Variants in MZT2B observed in about 807,000 individuals in gnomAD.
MZT2B encodes mitotic spindle organizing protein 2B.
In MZT2B, 11 loss-of-function variants were observed where a neutral mutation model predicts 12.1. The ratio of observed to expected loss-of-function variants is 0.91; its 90% CI spans 0.57 to 1.50. The LOEUF (loss-of-function observed/expected upper bound fraction) is 1.50, where lower values mean the gene tolerates loss of function less well. MZT2B is among the 40% of genes most tolerant of loss of function. MZT2B has a pLI of 0.00. For missense variants in MZT2B, 209 were observed against 227.7 expected, an observed-to-expected ratio of 0.92 and a Z score of 0.53; for synonymous variants, 85 against 109.5, an observed-to-expected ratio of 0.78 and a Z score of 1.40.
intron 2 of MZT2B, among the ~76,000 whole-genome samples, chr2:130,186,499 T>C (rs1690070580): frequency 6.6e-6 from 1 of 152,234 alleles, no homozygotes; most frequent in South Asian, 2.1e-4. Flanking sequence ...AGAGCATGCA[T>C]GTAAGATGAC....
chr2:130,182,954 G>A, intron 2 of MZT2B, 179 bp downstream of exon 2: 2 of 822,294 alleles, frequency 2.4e-6, no homozygotes, highest in Admixed American at 2.9e-5. Flanking sequence ...GCCTTAGGAG[G>A]CACGTCCAGG....
chr2:130,194,134 G>C, downstream of MZT2B: 1 of 1,614,108 alleles, frequency 6.2e-7, no homozygotes, highest in Non-Finnish European at 8.5e-7. Flanking sequence ...CCGTGATGGA[G>C]GACACGATCT....
At chr2:130,190,867 T>C (rs547934935), downstream of MZT2B, 11 of 928,418 alleles carry the variant, frequency 1.2e-5, no homozygotes, top group Non-Finnish European at 1.6e-5. Flanking sequence ...TGAACCTGAT[T>C]TGGGTTCTGA....
chr2:130,183,164 A>G (rs1201819316), intron 2 of MZT2B: 1 of 349,338 alleles, frequency 2.9e-6, no homozygotes, highest in East Asian at 6.6e-5. Flanking sequence ...TGAGTTTTAG[A>G]CCACTCTGGG....
the MZT2B span, among the ~76,000 whole-genome samples, chr2:130,203,963 G>T: frequency 1.5e-5 from 2 of 131,828 alleles, no homozygotes; most frequent in South Asian, 5.0e-4. Context: ...CAGCACCTGA[G>T]CCCAGGTGGT....
At chr2:130,200,689 G>T in the MZT2B span, among the ~76,000 whole-genome samples, 3,988 of 152,194 alleles carry the variant, frequency 0.026, 50 homozygotes, top group African/African-American at 0.083. Context: ...CCCCTGTCCC[G>T]GGAAGAGCAG....
At chr2:130,195,428 C>A (rs1191055478), downstream of MZT2B, among the ~76,000 whole-genome samples, 7 of 152,224 alleles carry the variant, frequency 4.6e-5, no homozygotes, top group South Asian at 2.1e-4. Context: ...GACTCTACGA[C>A]GTTAAACTCA....
At chr2:130,202,848 C>G in the MZT2B span, among the ~76,000 whole-genome samples, 1 of 152,108 alleles carries the variant, frequency 6.6e-6, no homozygotes, top group Non-Finnish European at 1.5e-5. Flanking sequence ...TCGTCCTTCT[C>G]TCTACACCAT....
At chr2:130,191,795 T>C (rs1690264254), downstream of MZT2B, 3 of 1,587,090 alleles carry the variant, frequency 1.9e-6, no homozygotes, top group East Asian at 2.2e-5. Flanking sequence ...GCAGCCATCC[T>C]AGGGGTGGCA....
chr2:130,187,649 GC>G (rs1034648716), intron 2 of MZT2B, among the ~76,000 whole-genome samples: 12 of 152,166 alleles, frequency 7.9e-5, no homozygotes, highest in African/African-American at 2.9e-4. Context: ...TGACTCAGTA[GC>G]CCCTCCCGAG....
At chr2:130,201,547 C>T in the MZT2B span, among the ~76,000 whole-genome samples, 1 of 152,098 alleles carries the variant, frequency 6.6e-6, no homozygotes, top group Non-Finnish European at 1.5e-5. Context: ...TCCCCAACTA[C>T]AGTCACATTG....
chr2:130,191,980 A>G (rs1052422), downstream of MZT2B: 580,593 of 1,511,576 alleles, frequency 0.38, 124,249 homozygotes, highest in Admixed American at 0.45. Context: ...ACAAAGGCCC[A>G]CTTGGCATAC....
At chr2:130,200,680 C>T in the MZT2B span, among the ~76,000 whole-genome samples, 2 of 152,118 alleles carry the variant, frequency 1.3e-5, no homozygotes. Context: ...GAAGGCACAC[C>T]CCTGTCCCGG....
chr2:130,203,208 G>T, the MZT2B span, among the ~76,000 whole-genome samples: 1 of 152,150 alleles, frequency 6.6e-6, no homozygotes, highest in African/African-American at 2.4e-5. Context: ...AAATGGGGCA[G>T]ATTTTAAAAC....
Position 130,182,842 on chromosome 2 carries a change from G to A in MZT2B, c.319+67G>A, listed in dbSNP as rs1416528643. ...GGCGGGCGGGGAGGGGGCAGGCGCG[G>A]CACAGCGGCGGCGTGGCCCTGAGTG... On this transcript the variant is annotated intron_variant, in intron 2 of 2. Transcript: ENST00000281871. The A allele has an allele frequency of 2.0e-5, 29 of 1,426,346 alleles. No individual in the cohort carries two copies. In the South Asian group the frequency reaches 3.6e-4, roughly 18 times the overall value. The allele number at this position is 1,426,346 out of a possible 1,614,324, so 88.4% of individuals were successfully genotyped here.
chr2:130,191,777 AC>A (rs377704562), downstream of MZT2B: 275 of 1,571,798 alleles, frequency 1.7e-4, 1 homozygote, highest in African/African-American at 3.2e-3. Flanking sequence ...ATTGCAAACA[AC>A]TTGAAAGCAG....
chr2:130,194,199 G>A (rs730882212), downstream of MZT2B: 86 of 1,613,006 alleles, frequency 5.3e-5, no homozygotes, highest in South Asian at 3.3e-4. Flanking sequence ...TCCAGGTTGC[G>A]CCGACATATG....
chr2:130,200,262 G>A, the MZT2B span, among the ~76,000 whole-genome samples: 6 of 151,956 alleles, frequency 3.9e-5, no homozygotes, highest in African/African-American at 1.5e-4. Flanking sequence ...ATGGCTGCAG[G>A]TGCCTGTAGT....
At chr2:130,190,756 T>TTG (rs1663225437), downstream of MZT2B, 12 of 1,377,686 alleles carry the variant, frequency 8.7e-6, 1 homozygote, top group South Asian at 8.5e-5. Flanking sequence ...TTTTTTTTGT[T>TTG]TTTTTTTTTA....
Sources: gnomAD v4.1 joint callset for allele counts (sites outside exome capture counted in the v4.1 genomes callset) on GRCh38, gnomAD v4.1.1 for gene constraint, MANE v1.5 for transcripts, NCBI Gene and HGNC (gene_info 2026-07-23, HGNC 2026-07-21) for gene names.